PCDH11Y: variants seen among roughly 807,000 people sequenced by gnomAD.
The protein encoded by PCDH11Y is protocadherin 11 Y-linked, also known as protocadherin-11 Y-linked.
For synonymous variants in PCDH11Y, 9 were observed against 83.6 expected (o/e 0.11, Z 4.87); for missense variants, 12 against 224.8 (o/e 0.05, Z 6.05).
At chrY:5,680,446 G>A in intron 4 of PCDH11Y, among the ~76,000 whole-genome samples, 2 of 32,308 alleles carry the variant, frequency 6.2e-5, no homozygotes, top group East Asian at 1.7e-3. Flanking sequence ...GAACTTGTAC[G>A]AGCATCAACA....
intron 4 of PCDH11Y, among the ~76,000 whole-genome samples, chrY:5,626,689 T>TG (rs2053507564): frequency 3.0e-5 from 1 of 33,496 alleles, no homozygotes; most frequent in Admixed American, 2.8e-4. Flanking sequence ...TGGTGAGAGC[T>TG]GACTCTATTT....
Position 5,154,013 on chromosome Y carries a change from G to A in PCDH11Y, c.3129+53306G>A, listed in dbSNP as rs1367999445. On this transcript the variant is annotated intron_variant, in intron 2 of 4. Coordinates refer to the PCDH11Y transcript ENST00000400457. ...CCTCTCCAAATATATATATATACAC[G>A]TATATATATACACATACATATACAT... is the stretch of plus-strand genomic sequence containing the variant. Among the ~76,000 whole-genome samples, 21 of 23,577 alleles carry A rather than the reference G, an allele frequency of 8.9e-4. No individual in the cohort carries two copies. In the East Asian group the frequency reaches 0.017, roughly 19 times the overall value. 63.3% of individuals were successfully genotyped at this position (23,577 alleles called of 37,273 possible). A position where few individuals can be genotyped will look rare whatever the true frequency, so the allele number is the denominator to read the frequency against.
At chrY:5,255,576 G>A in intron 2 of PCDH11Y, among the ~76,000 whole-genome samples, 1 of 32,525 alleles carries the variant, frequency 3.1e-5, no homozygotes, top group Non-Finnish European at 7.5e-5. Context: ...GTGGGATGGC[G>A]GGATTGTATG....
intron 4 of PCDH11Y, among the ~76,000 whole-genome samples, chrY:5,711,937 C>T: frequency 3.0e-5 from 1 of 33,152 alleles, no homozygotes; most frequent in African/African-American, 1.2e-4. Context: ...AAGTCCCTGC[C>T]CTGCCTTTAA....
intron 2 of PCDH11Y, among the ~76,000 whole-genome samples, chrY:5,320,126 C>T (rs2053111070): frequency 3.1e-5 from 1 of 32,733 alleles, no homozygotes; most frequent in Non-Finnish European, 7.5e-5. Context: ...TTGATGTTGT[C>T]GTCACTATAG....
intron 2 of PCDH11Y, among the ~76,000 whole-genome samples, chrY:5,239,617 A>G: frequency 3.0e-5 from 1 of 33,784 alleles, no homozygotes; most frequent in Non-Finnish European, 7.3e-5. Flanking sequence ...AAAAAAGATA[A>G]AATAAAACAA....
intron 2 of PCDH11Y, among the ~76,000 whole-genome samples, chrY:5,361,228 C>T: frequency 1.2e-4 from 3 of 25,435 alleles, no homozygotes; most frequent in Admixed American, 8.1e-4. Flanking sequence ...TGATGGGGCC[C>T]CATGAAGCCT....
chrY:5,148,324 A>G (rs867719647), intron 2 of PCDH11Y, among the ~76,000 whole-genome samples: 383 of 32,957 alleles, frequency 0.012, no homozygotes, highest in African/African-American at 0.043. Context: ...GTGTGTAGTA[A>G]GTAAGGCACA....
At chrY:5,334,686 T>C (rs2053134611) in intron 2 of PCDH11Y, among the ~76,000 whole-genome samples, 1 of 33,429 alleles carries the variant, frequency 3.0e-5, no homozygotes, top group Admixed American at 2.7e-4. Context: ...TAAAACAAAT[T>C]AGAAGGTCTA....
At chrY:5,494,669 G>A (rs2053342140) in intron 2 of PCDH11Y, among the ~76,000 whole-genome samples, 1 of 32,743 alleles carries the variant, frequency 3.1e-5, no homozygotes, top group East Asian at 8.0e-4. Flanking sequence ...ACAGGCTAGT[G>A]ATGTATTATG....
intron 4 of PCDH11Y, among the ~76,000 whole-genome samples, chrY:5,697,127 C>T (rs1602961275): frequency 3.0e-5 from 1 of 32,946 alleles, no homozygotes; most frequent in South Asian, 6.9e-4. Flanking sequence ...CCACTTGATC[C>T]GGAGCTGAGA....
At chrY:5,021,161 A>G in intron 1 of PCDH11Y, among the ~76,000 whole-genome samples, 1 of 33,334 alleles carries the variant, frequency 3.0e-5, no homozygotes, top group East Asian at 8.0e-4. Flanking sequence ...CCAGGTTCAC[A>G]TAGTAGGGAG....
At chrY:5,153,483 T>C in intron 2 of PCDH11Y, among the ~76,000 whole-genome samples, 6 of 32,593 alleles carry the variant, frequency 1.8e-4, no homozygotes, top group Admixed American at 1.7e-3. Flanking sequence ...AGAAAGCAAA[T>C]CGAAATCCAT....
At chrY:5,148,669 C>T in intron 2 of PCDH11Y, among the ~76,000 whole-genome samples, 1 of 32,905 alleles carries the variant, frequency 3.0e-5, no homozygotes, top group African/African-American at 1.2e-4. Context: ...ATACATCTCA[C>T]CTAACAACAC....
intron 2 of PCDH11Y, among the ~76,000 whole-genome samples, chrY:5,421,920 G>A (rs2053258945): frequency 3.2e-5 from 1 of 31,404 alleles, no homozygotes; most frequent in African/African-American, 1.2e-4. Flanking sequence ...ATGCATTATC[G>A]CCTGATTTTG....
At chrY:5,392,396 T>C in intron 2 of PCDH11Y, among the ~76,000 whole-genome samples, 2 of 30,275 alleles carry the variant, frequency 6.6e-5, no homozygotes, top group Non-Finnish European at 1.6e-4. Flanking sequence ...AAAATAGACA[T>C]TGAAAGACAC....
chrY:5,232,155 G>C, intron 2 of PCDH11Y, among the ~76,000 whole-genome samples: 1 of 32,933 alleles, frequency 3.0e-5, no homozygotes, highest in Non-Finnish European at 7.4e-5. Context: ...CCACCCCTGT[G>C]GCCTGATATT....
chrY:5,217,762 C>T, intron 2 of PCDH11Y, among the ~76,000 whole-genome samples: 1 of 33,933 alleles, frequency 2.9e-5, no homozygotes, highest in African/African-American at 1.1e-4. Context: ...GATCTGTGTG[C>T]AAAGAAGAAC....
chrY:5,009,777 A>G, intron 1 of PCDH11Y, among the ~76,000 whole-genome samples: 2 of 33,734 alleles, frequency 5.9e-5, no homozygotes, highest in African/African-American at 2.3e-4. Context: ...AAGGAAATCA[A>G]ATAGAGAAGA....
Sources: gnomAD v4.1 joint callset for allele counts (sites outside exome capture counted in the v4.1 genomes callset) on GRCh38, gnomAD v4.1.1 for gene constraint, MANE v1.5 for transcripts, NCBI Gene and HGNC (gene_info 2026-07-23, HGNC 2026-07-21) for gene names.